Variants in SEC14L6 observed in about 807,000 individuals in gnomAD.
SEC14L6 encodes the protein SEC14 like lipid binding 6.
Under a neutral mutation model 54.1 loss-of-function variants are expected in SEC14L6, and 40 were observed. The observed-to-expected ratio is 0.74, with a 90% CI of 0.57 to 0.96. The LOEUF (loss-of-function observed/expected upper bound fraction) is 0.96, where lower values mean the gene tolerates loss of function less well. Among genes scored for constraint, SEC14L6 ranks in the 40% least tolerant of loss-of-function variants. The pLI is 0.00. For synonymous variants in SEC14L6, 171 were observed against 198.4 expected (o/e 0.86, Z 1.16); for missense variants, 471 against 498.3 (o/e 0.95, Z 0.52).
intron 6 of SEC14L6, among the ~76,000 whole-genome samples, chr22:30,531,148 C>A (rs905459483): frequency 2.6e-5 from 4 of 152,148 alleles, no homozygotes; most frequent in African/African-American, 9.7e-5. Flanking sequence ...CGGTTCACAC[C>A]TATAATCCCA....
At chr22:30,540,367 CTT>C (rs753718105) in intron 1 of SEC14L6, among the ~76,000 whole-genome samples, 9,613 of 113,644 alleles carry the variant, frequency 0.085, 254 homozygotes, top group African/African-American at 0.12. Flanking sequence ...CTTTTTGTTC[CTT>C]TTTTTTTTTT....
chr22:30,542,325 C>A (rs931470594), intron 1 of SEC14L6, among the ~76,000 whole-genome samples: 1 of 152,222 alleles, frequency 6.6e-6, no homozygotes, highest in Non-Finnish European at 1.5e-5. Context: ...CCTCCACTCC[C>A]CGACTCCTTC....
In SEC14L6 at chr22:30,532,711, C is replaced by T; in HGVS notation, c.237G>A (p.Val79=). ...TGCCGTTAGCGTTGTACAGCCTGACCACCTGGATGCATACACAGGAGACGG... is the reference window on the plus strand; with the variant it reads ...TGCCGTTAGCGTTGTACAGCCTGACTACCTGGATGCATACACAGGAGACGG... ...ANILAWQPPE[V]VRLYNANGIC... The change falls in exon 5 of 12, where the codon GTG becomes GTA. Residue 79 remains valine (V), a splice_region_variant and synonymous_variant. Coordinates refer to ENST00000402034, the MANE Select transcript of SEC14L6 (RefSeq NM_001193336.4). The T allele has an allele frequency of 6.4e-7, 1 of 1,571,420 alleles. No individual in the cohort carries two copies. The highest frequency in any genetic ancestry group is 8.6e-7 in the Non-Finnish European group (1 of 1,158,082).
At chr22:30,540,367 C>CTTTTTTTTTTTTT (rs753718105) in intron 1 of SEC14L6, among the ~76,000 whole-genome samples, 2 of 114,040 alleles carry the variant, frequency 1.8e-5, no homozygotes, top group East Asian at 2.5e-4. Flanking sequence ...CTTTTTGTTC[C>CTTTTTTTTTTTTT]TTTTTTTTTT....
intron 1 of SEC14L6, chr22:30,544,147 A>G (rs1412971627): frequency 1.7e-6 from 2 of 1,147,272 alleles, no homozygotes; most frequent in East Asian, 2.4e-5. Context: ...AGGAGCCGCC[A>G]TGATGAGCAC....
intron 6 of SEC14L6, among the ~76,000 whole-genome samples, chr22:30,530,080 G>A (rs1438804555): frequency 6.6e-6 from 1 of 152,076 alleles, no homozygotes; most frequent in East Asian, 1.9e-4. Context: ...TTGTTTATAA[G>A]AGACACTGCA....
intron 1 of SEC14L6, among the ~76,000 whole-genome samples, chr22:30,539,115 G>A (rs2085651842): frequency 2.0e-5 from 3 of 152,162 alleles, no homozygotes; most frequent in African/African-American, 7.2e-5. Context: ...GGTGGCTCAC[G>A]CCTGTAATCC....
At chr22:30,546,590 G>A in intron 1 of SEC14L6, 39 bp downstream of exon 1, 1 of 1,538,606 alleles carries the variant, frequency 6.5e-7, no homozygotes, top group Non-Finnish European at 8.8e-7. Context: ...GGCAGAAGGA[G>A]AAACTGAGGC....
intron 6 of SEC14L6, 105 bp downstream of exon 6, chr22:30,531,798 G>A (rs1936983312): frequency 1.1e-5 from 8 of 749,144 alleles, no homozygotes; most frequent in African/African-American, 1.1e-4. Context: ...GTACTCACCT[G>A]GCAGTGAGGA....
In SEC14L6 at chr22:30,529,365, G is replaced by T. The variant is rs1165808915; in HGVS notation, c.520-16C>A. The stretch of plus-strand genomic sequence containing the variant: ...CTGAGAAAAACTGCGGAACCAAGTG[G>T]CAGAAGTGATGGGCGTCTGAACACT... On this transcript the variant is annotated splice_polypyrimidine_tract_variant and intron_variant, in intron 6 of 11. Transcript: ENST00000402034. The T allele has an allele frequency of 3.2e-6, 5 of 1,548,610 alleles. No homozygotes were observed. Among genetic ancestry groups the T allele is most frequent in the Non-Finnish European group, 4.4e-6 (5 of 1,145,312 alleles).
chr22:30,546,478 C>CT, intron 1 of SEC14L6, 151 bp downstream of exon 1: 1 of 591,314 alleles, frequency 1.7e-6, no homozygotes, highest in East Asian at 3.1e-5. Flanking sequence ...TTGGTTAGTG[C>CT]TGGTGTAGCC....
chr22:30,532,949 C>T (rs1937034178), intron 3 of SEC14L6, 93 bp from the exon 4 acceptor site: 2 of 1,548,014 alleles, frequency 1.3e-6, no homozygotes, highest in Admixed American at 2.0e-5. Flanking sequence ...CCTCTGCCTG[C>T]AACCACTAAG....
chr22:30,523,943 C>T lies in SEC14L6; in HGVS notation c.*1054G>A, dbSNP rs535694914. On this transcript the variant is annotated 3_prime_UTR_variant, in exon 12 of 12. Transcript: ENST00000402034. The stretch of plus-strand genomic sequence containing the variant: ...TCCTAGAGATACAGCAACTTGCCCA[C>T]AAATGCACTTTTCGAATGCAAACCA... 2.0e-5 allele frequency: 3 copies of T among 152,318 alleles called. No individual in the cohort carries two copies. The East Asian group carries it at 5.8e-4, about 29-fold the overall frequency. The allele number at this position is 152,318 out of a possible 1,614,324, so 9.4% of individuals were successfully genotyped here. A position where few individuals can be genotyped will look rare whatever the true frequency, so the allele number is the denominator to read the frequency against.
chr22:30,525,409 C>T lies in SEC14L6; in HGVS notation c.1022G>A (p.Arg341His), dbSNP rs567624094. The T allele has an allele frequency of 8.1e-6, 13 of 1,614,192 alleles. No individual in the cohort carries two copies. The highest frequency in any genetic ancestry group is 6.7e-5 in the Admixed American group (4 of 60,022). ...REMTEVLPSQ[R>H]YNAHMVPEDG... ...TTCAGGCACCATGTGGGCATTGTAG[C>T]GCTGGCTGGGCAGCACCTCTGTCAT... Residue 341 changes from arginine (R) to histidine (H), a missense_variant, in exon 11 of 12, where the codon CGC becomes CAC. Arg to His is a conservative substitution (Grantham distance 29). Coordinates refer to ENST00000402034, the MANE Select transcript of SEC14L6 (RefSeq NM_001193336.4).
At chr22:30,526,530 G>A (rs919555538) in intron 8 of SEC14L6, among the ~76,000 whole-genome samples, 7 of 152,114 alleles carry the variant, frequency 4.6e-5, no homozygotes, top group Admixed American at 6.6e-5. Flanking sequence ...GCATGAAAGC[G>A]GTGGAAAAAT....
Position 30,524,905 on chromosome 22 carries a change from T to A in SEC14L6, c.*92A>T, listed in dbSNP as rs1300629022. 1.4e-6 allele frequency: 1 copy of A among 716,816 alleles called. No homozygotes were observed. Among genetic ancestry groups the A allele is most frequent in the Non-Finnish European group, 2.5e-6 (1 of 396,442 alleles). 44.4% of individuals were successfully genotyped at this position (716,816 alleles called of 1,614,324 possible). On this transcript the variant is annotated 3_prime_UTR_variant, in exon 12 of 12. Coordinates refer to ENST00000402034, the MANE Select transcript of SEC14L6 (RefSeq NM_001193336.4). ...CCTGCTGTTGTAGAATCCCTGTTCC[T>A]GAGAGGTTGAACAGGGTCTGGCCAG...
At chr22:30,542,870 C>T in intron 1 of SEC14L6, 1 of 1,593,918 alleles carries the variant, frequency 6.3e-7, no homozygotes. Context: ...ACAAAGAGAA[C>T]CAACATGGAC....
At chr22:30,529,001 G>T in intron 8 of SEC14L6, 86 bp downstream of exon 8, 1 of 1,199,728 alleles carries the variant, frequency 8.3e-7, no homozygotes. Context: ...CTACACCTTC[G>T]GATGCAGGAA....
At chr22:30,542,822 A>C (rs1202478457) in intron 1 of SEC14L6, 1 of 1,595,520 alleles carries the variant, frequency 6.3e-7, no homozygotes, top group African/African-American at 1.3e-5. Context: ...CATCAAAAAG[A>C]AGGCCACTTC....
Sources: allele counts gnomAD v4.1 joint callset (sites outside exome capture counted in the v4.1 genomes callset), GRCh38; gene constraint gnomAD v4.1.1; transcripts MANE v1.5; gene names NCBI Gene and HGNC (gene_info 2026-07-23, HGNC 2026-07-21).